The following NCOA1 variants were observed in gnomAD, a reference collection of about 807,000 sequenced individuals.
NCOA1 encodes nuclear receptor coactivator 1, also known as Hin-2 protein.
In NCOA1, 35 loss-of-function variants were observed where a neutral mutation model predicts 150.9. The observed-to-expected ratio is 0.23, with a 90% CI of 0.18 to 0.31. The LOEUF is 0.31. NCOA1 is among the 10% of genes least tolerant of loss of function. NCOA1 has a pLI of 1.00. For synonymous variants in NCOA1, 590 were observed against 630.0 expected, an observed-to-expected ratio of 0.94 and a Z score of 0.95; for missense variants, 1,491 against 1,749.3, an observed-to-expected ratio of 0.85 and a Z score of 2.63.
intron 2 of NCOA1, among the ~76,000 whole-genome samples, chr2:24,579,990 A>C (rs1286458361): frequency 6.6e-6 from 1 of 152,214 alleles, no homozygotes; most frequent in African/African-American, 2.4e-5. Context: ...CAAGAACCAG[A>C]ACAAGAGAAA....
At chr2:24,583,851 C>T (rs536564025) in intron 2 of NCOA1, among the ~76,000 whole-genome samples, 52 of 151,964 alleles carry the variant, frequency 3.4e-4, no homozygotes, top group African/African-American at 1.2e-3. Context: ...AATTTGAGCA[C>T]GTATAAGTAG....
chr2:24,591,546 A>G (rs974210428), intron 3 of NCOA1, among the ~76,000 whole-genome samples: 2 of 152,188 alleles, frequency 1.3e-5, no homozygotes, highest in African/African-American at 4.8e-5. Flanking sequence ...TGCCATCTGT[A>G]GCTTGTGGAT....
Position 24,651,882 on chromosome 2 carries a change from CTCTT to C in NCOA1, c.-17-6777_-17-6774del, listed in dbSNP as rs1375212618. Among the ~76,000 whole-genome samples the C allele has an allele frequency of 3.9e-5, 6 of 152,018 alleles. No individual in the cohort carries two copies. The South Asian group carries it at 6.2e-4, about 16-fold the overall frequency. On this transcript the variant is annotated intron_variant, in intron 4 of 22. Transcript: ENST00000348332. Reference sequence around the variant, plus strand: ...GTAATTTTTTAAAGACAGGAAATAACTCTTTATTTGGTGAGGTTGTGGAAAACTG... The same window carrying C: ...GTAATTTTTTAAAGACAGGAAATAACTATTTGGTGAGGTTGTGGAAAACTG...
chr2:24,587,280 G>A (rs1326237559), intron 3 of NCOA1, among the ~76,000 whole-genome samples: 1 of 151,732 alleles, frequency 6.6e-6, no homozygotes, highest in Non-Finnish European at 1.5e-5. Flanking sequence ...GGTAGATAAA[G>A]GAAGGATTAA....
At chr2:24,582,859 C>T (rs538898484) in intron 2 of NCOA1, among the ~76,000 whole-genome samples, 33 of 152,240 alleles carry the variant, frequency 2.2e-4, no homozygotes, top group African/African-American at 7.7e-4. Flanking sequence ...CGGGAAAAGA[C>T]AAGCCTCTTC....
chr2:24,760,225 C>T (rs1437042852), intron 21 of NCOA1, among the ~76,000 whole-genome samples: 3 of 150,670 alleles, frequency 2.0e-5, no homozygotes, highest in African/African-American at 7.3e-5. Flanking sequence ...CTGCAACCTC[C>T]ACCTCCCAGG....
At chr2:24,573,264 C>T (rs1666813957) in intron 2 of NCOA1, among the ~76,000 whole-genome samples, 1 of 152,080 alleles carries the variant, frequency 6.6e-6, no homozygotes, top group South Asian at 2.1e-4. Flanking sequence ...GTATCAAGTG[C>T]TGTGATAGAT....
At chr2:24,635,751 A>T (rs368188196) in intron 3 of NCOA1, among the ~76,000 whole-genome samples, 121 of 152,336 alleles carry the variant, frequency 7.9e-4, no homozygotes, top group African/African-American at 2.7e-3. Context: ...CTAGACATAT[A>T]CAATGAGAAC....
intron 1 of NCOA1, among the ~76,000 whole-genome samples, chr2:24,521,021 ACTTG>A (rs1367838770): frequency 6.6e-6 from 1 of 151,278 alleles, no homozygotes; most frequent in Admixed American, 6.6e-5. Context: ...TTCCCCAGAT[ACTTG>A]CTTCATAACG....
chr2:24,709,619 T>C (rs1673634985), intron 13 of NCOA1, among the ~76,000 whole-genome samples: 1 of 152,252 alleles, frequency 6.6e-6, no homozygotes, highest in African/African-American at 2.4e-5. Flanking sequence ...TTTCTCTTAC[T>C]GGCACTTTTT....
chr2:24,600,009 G>T (rs1200982556), intron 3 of NCOA1, among the ~76,000 whole-genome samples: 1 of 152,136 alleles, frequency 6.6e-6, no homozygotes, highest in African/African-American at 2.4e-5. Context: ...GGGATTGCAG[G>T]CGTGAGCCCA....
At chr2:24,607,607 G>A (rs1008294424) in intron 3 of NCOA1, among the ~76,000 whole-genome samples, 1 of 151,830 alleles carries the variant, frequency 6.6e-6, no homozygotes, top group Admixed American at 6.6e-5. Context: ...GGAGAATGGC[G>A]TGAACCCAGG....
At chr2:24,539,598 A>G (rs1029153193) in intron 1 of NCOA1, among the ~76,000 whole-genome samples, 7 of 152,218 alleles carry the variant, frequency 4.6e-5, no homozygotes, top group African/African-American at 1.7e-4. Context: ...TTTGCATTTC[A>G]GAATACTTAT....
intron 1 of NCOA1, among the ~76,000 whole-genome samples, chr2:24,510,343 G>A (rs777458146): frequency 1.4e-4 from 22 of 152,174 alleles, no homozygotes; most frequent in Non-Finnish European, 2.8e-4. Flanking sequence ...CACCACGCCC[G>A]GCTGCACTTT....
chr2:24,673,688 A>T (rs1010302686), intron 7 of NCOA1, among the ~76,000 whole-genome samples: 1 of 152,230 alleles, frequency 6.6e-6, no homozygotes, highest in Non-Finnish European at 1.5e-5. Context: ...AAGCAGTGAG[A>T]TGGAAAACTT....
At chr2:24,589,512 G>A (rs562503074) in intron 3 of NCOA1, among the ~76,000 whole-genome samples, 8 of 152,254 alleles carry the variant, frequency 5.3e-5, no homozygotes, top group East Asian at 1.9e-4. Context: ...AGAAATAAGG[G>A]AGATGCCAGA....
chr2:24,501,443 T>C (rs1248807748), intron 1 of NCOA1, among the ~76,000 whole-genome samples: 1 of 152,148 alleles, frequency 6.6e-6, no homozygotes, highest in Non-Finnish European at 1.5e-5. Context: ...ATAATAACAA[T>C]ATTAGGAAAA....
At chr2:24,747,666 G>A (rs1572677836) in intron 19 of NCOA1, among the ~76,000 whole-genome samples, 1 of 152,098 alleles carries the variant, frequency 6.6e-6, no homozygotes, top group Non-Finnish European at 1.5e-5. Context: ...CATCATAAAT[G>A]AGGTTAAAAA....
chr2:24,512,014 C>G (rs574525672), intron 1 of NCOA1, among the ~76,000 whole-genome samples: 1 of 152,096 alleles, frequency 6.6e-6, no homozygotes, highest in South Asian at 2.1e-4. Context: ...ATGATTCTGC[C>G]ACTTCATTTG....
Sources: allele counts gnomAD v4.1 joint callset (sites outside exome capture counted in the v4.1 genomes callset), GRCh38; gene constraint gnomAD v4.1.1; transcripts MANE v1.5; gene names NCBI Gene and HGNC (gene_info 2026-07-23, HGNC 2026-07-21).